Variants in PELI1 observed in about 807,000 individuals in gnomAD.
The protein encoded by PELI1 is pellino E3 ubiquitin protein ligase 1, also known as E3 ubiquitin-protein ligase pellino homolog 1.
In PELI1, 15 loss-of-function variants were observed where a neutral mutation model predicts 41.3. The observed-to-expected ratio is 0.36, with a 90% CI of 0.24 to 0.56. The LOEUF is 0.56. Ranked by LOEUF, PELI1 falls within the 20% of genes least tolerant of loss-of-function variation. PELI1 has a pLI of 0.82. For missense variants in PELI1, 403 were observed against 525.5 expected (o/e 0.77, Z 2.28); for synonymous variants, 178 against 180.1 (o/e 0.99, Z 0.09).
intron 1 of PELI1, among the ~76,000 whole-genome samples, chr2:64,126,070 C>T (rs1681373038): frequency 6.6e-6 from 1 of 152,192 alleles, no homozygotes; most frequent in Admixed American, 6.5e-5. Context: ...CCATAAAATG[C>T]TAATTAATGA....
At chr2:64,116,632 T>C (rs1681001888) in intron 1 of PELI1, among the ~76,000 whole-genome samples, 1 of 152,230 alleles carries the variant, frequency 6.6e-6, no homozygotes, top group Admixed American at 6.5e-5. Context: ...ATAGGAACTA[T>C]TATAACCCAC....
At chr2:64,142,249 T>C (rs539656733) in intron 1 of PELI1, among the ~76,000 whole-genome samples, 1 of 152,202 alleles carries the variant, frequency 6.6e-6, no homozygotes, top group South Asian at 2.1e-4. Flanking sequence ...AAACTCAAGA[T>C]CTCTTTTAAC....
intron 1 of PELI1, among the ~76,000 whole-genome samples, chr2:64,117,961 C>T (rs1408630805): frequency 6.6e-6 from 1 of 152,004 alleles, no homozygotes; most frequent in African/African-American, 2.4e-5. Flanking sequence ...AGGTGCATGC[C>T]ACCACGCCCA....
intron 4 of PELI1, among the ~76,000 whole-genome samples, chr2:64,099,424 T>C (rs751854865): frequency 1.3e-5 from 2 of 152,246 alleles, no homozygotes; most frequent in African/African-American, 2.4e-5. Flanking sequence ...TTCTTGGATC[T>C]AAACATTAAT....
chr2:64,114,671 C>A (rs1680931462), intron 1 of PELI1, among the ~76,000 whole-genome samples: 1 of 152,172 alleles, frequency 6.6e-6, no homozygotes, highest in African/African-American at 2.4e-5. Flanking sequence ...GTTCCTTTAA[C>A]TGGGGCTTCT....
chr2:64,143,739 A>T (rs1220640130), intron 1 of PELI1, among the ~76,000 whole-genome samples: 7 of 151,870 alleles, frequency 4.6e-5, no homozygotes, highest in Non-Finnish European at 8.8e-5. Flanking sequence ...TGTTTCTCCC[A>T]TTTCCCTCTC....
intron 1 of PELI1, among the ~76,000 whole-genome samples, chr2:64,124,153 T>C (rs898506624): frequency 2.6e-5 from 4 of 151,684 alleles, no homozygotes; most frequent in South Asian, 2.1e-4. Context: ...GGGGAGAAAA[T>C]AGGAAATTGG....
intron 1 of PELI1, among the ~76,000 whole-genome samples, chr2:64,130,028 C>T (rs778068449): frequency 6.6e-5 from 10 of 152,168 alleles, no homozygotes; most frequent in Non-Finnish European, 1.5e-4. Flanking sequence ...TAGAAAGCTT[C>T]TCATTTGATG....
intron 6 of PELI1, 44 bp from the exon 7 acceptor site, chr2:64,095,312 T>C: frequency 1.4e-6 from 2 of 1,411,364 alleles, no homozygotes; most frequent in Non-Finnish European, 2.0e-6. Flanking sequence ...CACTCTGTTT[T>C]GGATTTTTAC....
chr2:64,096,468 A>T lies in PELI1; in HGVS notation c.446T>A (p.Phe149Tyr). Residue 149 changes from phenylalanine (F) to tyrosine (Y), a missense_variant, in exon 5 of 7, where the codon TTT becomes TAT. Coordinates refer to ENST00000358912, the MANE Select transcript of PELI1 (RefSeq NM_020651.4). The stretch of plus-strand genomic sequence containing the variant: ...TCCTGCAGCATAAATCCGTGCTGTA[A>T]AGGGAGGATTCCGTTCACATATGAT... ...CRIICERNPPFTARIYAAGFD... is the reference protein window; with the variant it reads ...CRIICERNPPYTARIYAAGFD... 6.2e-7 allele frequency: 1 copy of T among 1,613,848 alleles called. No homozygotes were observed.
At chr2:64,097,019 T>C (rs74456017) in intron 4 of PELI1, among the ~76,000 whole-genome samples, 6,220 of 152,296 alleles carry the variant, frequency 0.041, 143 homozygotes, top group African/African-American at 0.073. Context: ...TAAGTAAATC[T>C]TTTAGGATGA....
intron 1 of PELI1, among the ~76,000 whole-genome samples, chr2:64,135,010 T>C (rs936363056): frequency 6.6e-6 from 1 of 152,174 alleles, no homozygotes; most frequent in Admixed American, 6.5e-5. Context: ...CCACATTACT[T>C]ATCTTTTTAT....
At chr2:64,130,597 G>C (rs1449980974) in intron 1 of PELI1, among the ~76,000 whole-genome samples, 1 of 152,152 alleles carries the variant, frequency 6.6e-6, no homozygotes, top group Non-Finnish European at 1.5e-5. Flanking sequence ...TCCTCCAAGG[G>C]AGAAACTGTC....
At position 64,129,177 on chromosome 2, in the gene PELI1, A is replaced by G. The variant is rs17028488; in HGVS notation, c.-70+14904T>C. Among the ~76,000 whole-genome samples the G allele has an allele frequency of 5.3e-5, 8 of 152,342 alleles. No homozygotes were observed. In the East Asian group the frequency reaches 1.5e-3, roughly 29 times the overall value. On this transcript the variant is annotated intron_variant, in intron 1 of 6. Coordinates refer to ENST00000358912, the MANE Select transcript of PELI1 (RefSeq NM_020651.4). ...AAAGGTTTATTTTGTTTTGAAAAAA[A>G]GCCAGGGTTCTCAAATTCACTGTAT...
intron 1 of PELI1, among the ~76,000 whole-genome samples, chr2:64,122,171 C>A (rs1441574496): frequency 2.6e-5 from 4 of 151,674 alleles, no homozygotes; most frequent in Admixed American, 1.3e-4. Context: ...ATCAAAGTTA[C>A]CAAACTTTGG....
chr2:64,101,343 A>G (rs1321090827), intron 3 of PELI1, among the ~76,000 whole-genome samples: 2 of 151,718 alleles, frequency 1.3e-5, no homozygotes, highest in African/African-American at 4.8e-5. Flanking sequence ...AAAAAAAAAC[A>G]AAAGAAACAT....
intron 1 of PELI1, among the ~76,000 whole-genome samples, chr2:64,112,670 A>G (rs777495655): frequency 6.6e-6 from 1 of 152,224 alleles, no homozygotes; most frequent in African/African-American, 2.4e-5. Flanking sequence ...TGTATTTGAT[A>G]ATCTAAACCC....
intron 1 of PELI1, among the ~76,000 whole-genome samples, chr2:64,139,098 T>G (rs1035186826): frequency 1.3e-5 from 2 of 152,180 alleles, no homozygotes; most frequent in Non-Finnish European, 2.9e-5. Flanking sequence ...GACAAATCCT[T>G]TTCATTAAAT....
At chr2:64,142,718 A>G (rs1681952563) in intron 1 of PELI1, among the ~76,000 whole-genome samples, 1 of 152,250 alleles carries the variant, frequency 6.6e-6, no homozygotes, top group African/African-American at 2.4e-5. Context: ...CTGAAACAGA[A>G]CTGAATAAAG....
Sources: gnomAD v4.1 joint callset for allele counts (sites outside exome capture counted in the v4.1 genomes callset) on GRCh38, gnomAD v4.1.1 for gene constraint, MANE v1.5 for transcripts, NCBI Gene and HGNC (gene_info 2026-07-23, HGNC 2026-07-21) for gene names.